DPYD: variants seen among roughly 807,000 people sequenced by gnomAD.
DPYD encodes dihydropyrimidine dehydrogenase, also known as dihydropyrimidine dehydrogenase [NADP(+)].
Under a neutral mutation model 116.2 loss-of-function variants are expected in DPYD, and 109 were observed. That is an observed-to-expected ratio of 0.94 (90% confidence interval 0.80 to 1.10). DPYD has a LOEUF of 1.10. Among genes scored for constraint, DPYD ranks in the 50% least tolerant of loss-of-function variants. DPYD has a pLI of 0.00. For missense variants in DPYD, 1,302 were observed against 1,254.5 expected (o/e 1.04, Z -0.57); for synonymous variants, 440 against 432.0 (o/e 1.02, Z -0.23).
chr1:97,637,462 C>A lies in DPYD; in HGVS notation c.850+41633G>T, dbSNP rs193086809. Among the ~76,000 whole-genome samples the A allele has an allele frequency of 1.4e-4, 21 of 151,672 alleles. No homozygotes were observed. The East Asian group carries it at 4.1e-3, about 30-fold the overall frequency. The stretch of plus-strand genomic sequence containing the variant: ...TTTTGGCAGTTTATTTTATAGACCC[C>A]CCAGACACTGAACATAAGAGAGTAC... On this transcript the variant is annotated intron_variant, in intron 8 of 22. Coordinates refer to ENST00000370192, the MANE Select transcript of DPYD (RefSeq NM_000110.4).
intron 1 of DPYD, among the ~76,000 whole-genome samples, chr1:97,915,341 AT>A: frequency 6.6e-6 from 1 of 152,152 alleles, no homozygotes; most frequent in East Asian, 1.9e-4. Context: ...TAATTCCTCA[AT>A]ACATATAAAT....
intron 3 of DPYD, among the ~76,000 whole-genome samples, chr1:97,816,463 AT>A (rs1017571691): frequency 6.6e-6 from 1 of 152,028 alleles, no homozygotes; most frequent in Non-Finnish European, 1.5e-5. Context: ...CACAATCAAT[AT>A]TTTTTCAATC....
intron 4 of DPYD, among the ~76,000 whole-genome samples, chr1:97,736,982 AC>A (rs1250242423): frequency 6.6e-6 from 1 of 151,966 alleles, no homozygotes; most frequent in Non-Finnish European, 1.5e-5. Flanking sequence ...CTCCATCACC[AC>A]TAGTAGTCAT....
intron 3 of DPYD, among the ~76,000 whole-genome samples, chr1:97,818,666 G>C (rs922492761): frequency 6.6e-6 from 1 of 151,994 alleles, no homozygotes; most frequent in East Asian, 1.9e-4. Flanking sequence ...TGGAAACTGA[G>C]TGTCAAATCT....
At chr1:97,649,121 A>G (rs932680327) in intron 8 of DPYD, among the ~76,000 whole-genome samples, 3 of 152,140 alleles carry the variant, frequency 2.0e-5, no homozygotes, top group South Asian at 2.1e-4. Context: ...AAACTCCTAA[A>G]TCAAGAAGGT....
chr1:97,887,300 T>C (rs775534617), intron 1 of DPYD, among the ~76,000 whole-genome samples: 3 of 151,100 alleles, frequency 2.0e-5, no homozygotes, highest in Non-Finnish European at 3.0e-5. Context: ...TGAATCCCCA[T>C]CTCTATAAAA....
At chr1:97,695,696 T>C (rs1411126725) in intron 6 of DPYD, among the ~76,000 whole-genome samples, 1 of 151,924 alleles carries the variant, frequency 6.6e-6, no homozygotes, top group Non-Finnish European at 1.5e-5. Flanking sequence ...AGATCCTTTA[T>C]CTCTGAGGTT....
chr1:97,473,552 C>T (rs1677777156), intron 13 of DPYD, among the ~76,000 whole-genome samples: 1 of 152,148 alleles, frequency 6.6e-6, no homozygotes, highest in Non-Finnish European at 1.5e-5. Flanking sequence ...TAGTTCCAAT[C>T]ACCAGGGGAA....
intron 22 of DPYD, among the ~76,000 whole-genome samples, chr1:97,081,717 C>CTTTTTTTTTTTTTT (rs371355751): frequency 7.3e-6 from 1 of 136,470 alleles, no homozygotes; most frequent in Non-Finnish European, 1.6e-5. Flanking sequence ...CTTTTCTTTT[C>CTTTTTTTTTTTTTT]TTTTTTTTTT....
chr1:97,159,318 T>C (rs1291719284), intron 20 of DPYD, among the ~76,000 whole-genome samples: 4 of 152,000 alleles, frequency 2.6e-5, no homozygotes, highest in Admixed American at 2.6e-4. Context: ...AACAGCATAA[T>C]GGAGATGGTA....
At chr1:97,341,207 C>G (rs1669570802) in intron 16 of DPYD, among the ~76,000 whole-genome samples, 1 of 152,156 alleles carries the variant, frequency 6.6e-6, no homozygotes, top group Admixed American at 6.6e-5. Flanking sequence ...TGTTTCATAG[C>G]AAAAGGAGCT....
chr1:97,648,358 C>G (rs1658389606), intron 8 of DPYD, among the ~76,000 whole-genome samples: 1 of 151,980 alleles, frequency 6.6e-6, no homozygotes, highest in Non-Finnish European at 1.5e-5. Context: ...TGGACCCAGT[C>G]AGGTAGACCG....
Position 97,701,140 on chromosome 1 carries a change from C to A in DPYD, c.484-1593G>T, listed in dbSNP as rs767425494. Among the ~76,000 whole-genome samples, 3 of 148,134 alleles carry A rather than the reference C, an allele frequency of 2.0e-5. No homozygotes were observed. In the Admixed American group the frequency reaches 2.0e-4, roughly 10 times the overall value. On this transcript the variant is annotated intron_variant, in intron 5 of 22. Coordinates refer to ENST00000370192, the MANE Select transcript of DPYD (RefSeq NM_000110.4). ...AGATAGATAAGTGTAAAGTTAAAGA[C>A]TAGAAAAAGTTATACAAAGCAAACA...
rs554235045 is a variant in DPYD at position 97,254,580 on chromosome 1, C to T, written c.2300-19586G>A. Among the ~76,000 whole-genome samples, 12 of 152,132 alleles carry T rather than the reference C, an allele frequency of 7.9e-5. No homozygotes were observed. In the South Asian group the frequency reaches 2.1e-3, roughly 26 times the overall value. Reference sequence around the variant, plus strand: ...CAGGTTACTCCAGAAACTATGGCAACCAGGCTGTTTGGCAGCCAAAGGGTG... The same window carrying T: ...CAGGTTACTCCAGAAACTATGGCAATCAGGCTGTTTGGCAGCCAAAGGGTG... On this transcript the variant is annotated intron_variant, in intron 18 of 22. Transcript: ENST00000370192.
At chr1:97,110,265 AT>A (rs1651496017) in intron 20 of DPYD, among the ~76,000 whole-genome samples, 1 of 152,144 alleles carries the variant, frequency 6.6e-6, no homozygotes, top group African/African-American at 2.4e-5. Flanking sequence ...ATAATGGAGA[AT>A]AAAACAGATA....
intron 18 of DPYD, among the ~76,000 whole-genome samples, chr1:97,240,822 AT>A (rs34798489): frequency 0.33 from 49,679 of 151,632 alleles, 8,266 homozygotes; most frequent in South Asian, 0.52. Context: ...CTTTACTAAA[AT>A]TAAGTGTACA....
chr1:97,415,272 T>C (rs1299163123), intron 14 of DPYD, among the ~76,000 whole-genome samples: 1 of 152,186 alleles, frequency 6.6e-6, no homozygotes, highest in African/African-American at 2.4e-5. Flanking sequence ...ATTGATCCTA[T>C]CTAAATGAAT....
chr1:97,768,125 C>A (rs1665960870), intron 3 of DPYD, among the ~76,000 whole-genome samples: 1 of 152,054 alleles, frequency 6.6e-6, no homozygotes, highest in East Asian at 1.9e-4. Flanking sequence ...GAGTAGTATT[C>A]TCATAAATAT....
At chr1:97,550,642 C>T (rs972197995) in intron 11 of DPYD, among the ~76,000 whole-genome samples, 3 of 152,052 alleles carry the variant, frequency 2.0e-5, no homozygotes, top group Non-Finnish European at 2.9e-5. Flanking sequence ...AATGTTCTCT[C>T]CAGGTAACGT....
Sources: gnomAD v4.1 joint callset for allele counts (sites outside exome capture counted in the v4.1 genomes callset) on GRCh38, gnomAD v4.1.1 for gene constraint, MANE v1.5 for transcripts, NCBI Gene and HGNC (gene_info 2026-07-23, HGNC 2026-07-21) for gene names.